Variants in PCDH15 observed in about 807,000 individuals in gnomAD.
PCDH15 encodes protocadherin-15.
Under a neutral mutation model 178.5 loss-of-function variants are expected in PCDH15, and 129 were observed. That is an observed-to-expected ratio of 0.72 (90% CI 0.63 to 0.84). PCDH15 has a LOEUF of 0.84. Ranked by LOEUF, PCDH15 falls within the 40% of genes least tolerant of loss-of-function variation. PCDH15 has a pLI of 0.00. For missense variants in PCDH15, 2,230 were observed against 2,099.9 expected, an observed-to-expected ratio of 1.06 and a Z score of -1.21; for synonymous variants, 800 against 732.0, an observed-to-expected ratio of 1.09 and a Z score of -1.50.
intron 16 of PCDH15, among the ~76,000 whole-genome samples, chr10:54,086,997 G>A (rs969423201): frequency 6.6e-6 from 1 of 152,072 alleles, no homozygotes. Context: ...AATTTATTTG[G>A]CAAAACTAGT....
At chr10:53,925,114 C>G (rs543778943) in intron 25 of PCDH15, among the ~76,000 whole-genome samples, 1 of 152,164 alleles carries the variant, frequency 6.6e-6, no homozygotes, top group African/African-American at 2.4e-5. Flanking sequence ...AGCTGGGGTC[C>G]TCTTCCACAC....
At chr10:55,582,620 A>ATTTTT (rs1350113539) in intron 2 of PCDH15, among the ~76,000 whole-genome samples, 43 of 87,506 alleles carry the variant, frequency 4.9e-4, no homozygotes, top group African/African-American at 1.4e-3. Context: ...ATATATATAT[A>ATTTTT]TATATATATT....
intron 1 of PCDH15, among the ~76,000 whole-genome samples, chr10:54,751,465 A>T (rs1401857280): frequency 6.6e-6 from 1 of 152,178 alleles, no homozygotes; most frequent in Non-Finnish European, 1.5e-5. Flanking sequence ...TAATATCTTG[A>T]TATTTTCAAA....
At chr10:53,980,058 C>A (rs1187742763) in intron 21 of PCDH15, among the ~76,000 whole-genome samples, 1 of 151,688 alleles carries the variant, frequency 6.6e-6, no homozygotes, top group Non-Finnish European at 1.5e-5. Flanking sequence ...GTCTCTACTA[C>A]AAATACAAAA....
chr10:54,951,450 T>C lies in PCDH15; in HGVS notation c.-79-53950A>G, dbSNP rs1838334944. 2.6e-5 allele frequency among the ~76,000 whole-genome samples: 4 copies of C among 152,030 alleles called. No individual in the cohort carries two copies. The South Asian group carries it at 8.3e-4, about 31-fold the overall frequency. Reference sequence around the variant, plus strand: ...TTCAATTTTATGGATATAACACCATTTATCCTCACCTATAGAAGGACATCT... The same window carrying C: ...TTCAATTTTATGGATATAACACCATCTATCCTCACCTATAGAAGGACATCT... On this transcript the variant is annotated intron_variant, in intron 2 of 5. Transcript: ENST00000458638.
chr10:54,419,112 C>T (rs1758817), intron 3 of PCDH15, among the ~76,000 whole-genome samples: 2 of 151,692 alleles, frequency 1.3e-5, no homozygotes, highest in Non-Finnish European at 2.9e-5. Flanking sequence ...ATGGGAGAAG[C>T]GCTTTCTCAT....
At chr10:55,387,582 A>C (rs943035272) in intron 2 of PCDH15, among the ~76,000 whole-genome samples, 12 of 152,268 alleles carry the variant, frequency 7.9e-5, no homozygotes, top group Admixed American at 5.9e-4. Context: ...TGACAGCTGT[A>C]TATATGTATA....
At chr10:54,840,461 G>C (rs1184891829) in intron 3 of PCDH15, among the ~76,000 whole-genome samples, 2 of 151,370 alleles carry the variant, frequency 1.3e-5, no homozygotes. Flanking sequence ...AATATAAATA[G>C]AGAAAAATCA....
intron 25 of PCDH15, among the ~76,000 whole-genome samples, chr10:53,932,608 C>G (rs565441040): frequency 1.4e-4 from 21 of 152,136 alleles, no homozygotes; most frequent in Non-Finnish European, 3.1e-4. Flanking sequence ...GAAGTGAATT[C>G]AAGTACAACT....
rs546640875 is a variant in PCDH15, at chr10:55,212,606, G to A, written c.-155-45955C>T. Among the ~76,000 whole-genome samples, 40 of 152,130 alleles carry A rather than the reference G, an allele frequency of 2.6e-4. 1 individual carries two copies. The South Asian group carries it at 3.7e-3, about 14-fold the overall frequency. Reference sequence around the variant, plus strand: ...ACATCAGTAACTTACTAAACAGAGCGCATGAACTGAGTGGGAATGACAGTC... The same window carrying A: ...ACATCAGTAACTTACTAAACAGAGCACATGAACTGAGTGGGAATGACAGTC... On this transcript the variant is annotated intron_variant, in intron 1 of 5. Transcript: ENST00000458638.
At chr10:55,365,554 A>G (rs933634914) in intron 2 of PCDH15, among the ~76,000 whole-genome samples, 9 of 152,076 alleles carry the variant, frequency 5.9e-5, no homozygotes, top group African/African-American at 1.9e-4. Context: ...TATAACTCCC[A>G]CAATTCCTAC....
At chr10:54,325,608 G>A (rs1236829563) in intron 7 of PCDH15, among the ~76,000 whole-genome samples, 1 of 152,006 alleles carries the variant, frequency 6.6e-6, no homozygotes, top group African/African-American at 2.4e-5. Context: ...AATTAGCTGG[G>A]TATGGTTGCA....
intron 2 of PCDH15, among the ~76,000 whole-genome samples, chr10:55,123,863 T>C (rs1591920540): frequency 6.6e-6 from 1 of 152,292 alleles, no homozygotes; most frequent in East Asian, 1.9e-4. Flanking sequence ...TCCAGGCTTG[T>C]ACCTAGATAA....
chr10:55,572,495 C>G (rs986442635), intron 2 of PCDH15, among the ~76,000 whole-genome samples: 1 of 151,776 alleles, frequency 6.6e-6, no homozygotes, highest in Non-Finnish European at 1.5e-5. Flanking sequence ...ATGCCAAGCA[C>G]TCTTCTAAGC....
At chr10:53,996,966 C>T (rs1420669535) in intron 20 of PCDH15, among the ~76,000 whole-genome samples, 1 of 152,004 alleles carries the variant, frequency 6.6e-6, no homozygotes, top group Admixed American at 6.6e-5. Flanking sequence ...CAGTATTAAG[C>T]TGGAAACACA....
At chr10:53,911,077 T>A (rs2083054064) in intron 25 of PCDH15, among the ~76,000 whole-genome samples, 1 of 152,138 alleles carries the variant, frequency 6.6e-6, no homozygotes, top group Non-Finnish European at 1.5e-5. Flanking sequence ...GGAACCAAGC[T>A]GAGAAACACT....
chr10:54,006,670 G>A (rs1265769066), intron 20 of PCDH15, among the ~76,000 whole-genome samples: 1 of 152,050 alleles, frequency 6.6e-6, no homozygotes, highest in Non-Finnish European at 1.5e-5. Flanking sequence ...CCTTGGTACT[G>A]GGCACTGAGT....
At chr10:54,557,216 A>C (rs1048352516) in intron 2 of PCDH15, among the ~76,000 whole-genome samples, 5 of 152,170 alleles carry the variant, frequency 3.3e-5, no homozygotes, top group African/African-American at 1.2e-4. Flanking sequence ...ACTGTACAGT[A>C]AATTTTAATC....
intron 27 of PCDH15, among the ~76,000 whole-genome samples, chr10:53,860,688 G>A (rs953237843): frequency 1.0e-4 from 14 of 135,706 alleles, no homozygotes; most frequent in African/African-American, 3.7e-4. Flanking sequence ...TCAATATCAC[G>A]CCACTGCACT....
Sources: gnomAD v4.1 joint callset for allele counts (sites outside exome capture counted in the v4.1 genomes callset) on GRCh38, gnomAD v4.1.1 for gene constraint, MANE v1.5 for transcripts, NCBI Gene and HGNC (gene_info 2026-07-23, HGNC 2026-07-21) for gene names.